ITPR2: variants seen among roughly 807,000 people sequenced by gnomAD.
The protein encoded by ITPR2 is inositol 1,4,5-trisphosphate-gated calcium channel ITPR2.
ITPR2 carries 207 observed loss-of-function variants against 317.1 expected under a neutral mutation model. The observed-to-expected ratio is 0.65, with a 90% CI of 0.58 to 0.73. ITPR2 has a LOEUF of 0.73. Among genes scored for constraint, ITPR2 ranks in the 30% least tolerant of loss-of-function variants. ITPR2 has a pLI of 0.00. For synonymous variants in ITPR2, 1,156 were observed against 1,149.1 expected (o/e 1.01, Z -0.12); for missense variants, 2,613 against 3,284.0 (o/e 0.80, Z 4.99).
At chr12:26,414,850 GT>G in intron 51 of ITPR2, among the ~76,000 whole-genome samples, 1 of 152,066 alleles carries the variant, frequency 6.6e-6, no homozygotes, top group Admixed American at 6.5e-5. Context: ...TTATGATCTG[GT>G]GGTTTCAAAT....
At chr12:26,472,659 T>G (rs973518139) in intron 45 of ITPR2, among the ~76,000 whole-genome samples, 2 of 152,176 alleles carry the variant, frequency 1.3e-5, no homozygotes, top group African/African-American at 4.8e-5. Flanking sequence ...CATATGTCTA[T>G]TCTCCTCTTC....
At chr12:26,417,310 G>A (rs1426927141) in intron 50 of ITPR2, among the ~76,000 whole-genome samples, 2 of 152,074 alleles carry the variant, frequency 1.3e-5, no homozygotes, top group African/African-American at 4.8e-5. Context: ...AATACAATTA[G>A]AAAATGGGGT....
At chr12:26,716,278 C>G (rs1419448021) in intron 5 of ITPR2, 36 bp from the exon 6 acceptor site, 3 of 1,337,700 alleles carry the variant, frequency 2.2e-6, no homozygotes, top group Middle Eastern at 1.8e-4. Flanking sequence ...TGAGACACTG[C>G]ATGGATCTTT....
chr12:26,811,538 G>C (rs370842010), intron 1 of ITPR2, among the ~76,000 whole-genome samples: 2 of 152,202 alleles, frequency 1.3e-5, no homozygotes, highest in African/African-American at 4.8e-5. Context: ...GAGGTCAGGA[G>C]ATCGAGACCA....
chr12:26,502,941 G>T (rs1223492335), intron 37 of ITPR2, among the ~76,000 whole-genome samples: 1 of 152,106 alleles, frequency 6.6e-6, no homozygotes, highest in Non-Finnish European at 1.5e-5. Flanking sequence ...TTTGGAAGGT[G>T]GTGTCACAGG....
intron 1 of ITPR2, among the ~76,000 whole-genome samples, chr12:26,819,200 C>T (rs921484065): frequency 2.0e-5 from 3 of 152,162 alleles, no homozygotes; most frequent in Non-Finnish European, 4.4e-5. Flanking sequence ...ATGCAAATAA[C>T]TCTCAAACAA....
At chr12:26,402,749 C>T (rs1460937909) in intron 52 of ITPR2, among the ~76,000 whole-genome samples, 1 of 152,162 alleles carries the variant, frequency 6.6e-6, no homozygotes, top group Non-Finnish European at 1.5e-5. Flanking sequence ...TGCAGCCACT[C>T]TCAATATGGT....
At chr12:26,699,345 T>A (rs887681579) in intron 9 of ITPR2, among the ~76,000 whole-genome samples, 3 of 152,222 alleles carry the variant, frequency 2.0e-5, no homozygotes, top group Non-Finnish European at 4.4e-5. Flanking sequence ...TGACTGGCTG[T>A]CTGGGGAAGT....
chr12:26,617,083 G>A (rs190076804), intron 26 of ITPR2, among the ~76,000 whole-genome samples: 1 of 152,110 alleles, frequency 6.6e-6, no homozygotes, highest in Non-Finnish European at 1.5e-5. Flanking sequence ...TTTTGAGGGA[G>A]TCAGAAGTTA....
chr12:26,812,385 T>A (rs1445496202), intron 1 of ITPR2, among the ~76,000 whole-genome samples: 3 of 152,044 alleles, frequency 2.0e-5, no homozygotes, highest in Non-Finnish European at 4.4e-5. Flanking sequence ...GAGACCATCC[T>A]GGCTAACACA....
chr12:26,519,157 GA>G (rs1943602263), intron 37 of ITPR2, among the ~76,000 whole-genome samples: 1 of 152,028 alleles, frequency 6.6e-6, no homozygotes, highest in African/African-American at 2.4e-5. Flanking sequence ...AAGAAAATAA[GA>G]AAAACTTCCA....
intron 1 of ITPR2, among the ~76,000 whole-genome samples, chr12:26,817,291 A>C (rs1320874540): frequency 6.6e-6 from 1 of 152,180 alleles, no homozygotes; most frequent in Non-Finnish European, 1.5e-5. Flanking sequence ...GCCTGCGATA[A>C]TGCTGGGTGT....
chr12:26,404,073 GAA>G (rs1940268142), intron 52 of ITPR2, among the ~76,000 whole-genome samples: 1 of 152,162 alleles, frequency 6.6e-6, no homozygotes, highest in Admixed American at 6.5e-5. Flanking sequence ...GAAGAGGAAA[GAA>G]TGACTGGAGG....
chr12:26,473,156 G>A (rs894628240), intron 45 of ITPR2, among the ~76,000 whole-genome samples: 1 of 152,124 alleles, frequency 6.6e-6, no homozygotes, highest in Non-Finnish European at 1.5e-5. Context: ...CAAAGTCTTG[G>A]GATTACAGGC....
chr12:26,556,770 C>CT (rs747548860), intron 35 of ITPR2, among the ~76,000 whole-genome samples: 164 of 86,594 alleles, frequency 1.9e-3, no homozygotes, highest in Non-Finnish European at 3.0e-3. Context: ...CAGGGAACAG[C>CT]TTAAAAAAAA....
intron 4 of ITPR2, among the ~76,000 whole-genome samples, chr12:26,723,972 A>G (rs1239760545): frequency 6.6e-6 from 1 of 152,182 alleles, no homozygotes; most frequent in Admixed American, 6.6e-5. Context: ...AAAATTTACC[A>G]GACTTTACAA....
intron 37 of ITPR2, among the ~76,000 whole-genome samples, chr12:26,508,871 A>T (rs1262081349): frequency 1.3e-5 from 2 of 152,216 alleles, no homozygotes; most frequent in Non-Finnish European, 2.9e-5. Context: ...GTTACCATAC[A>T]TTCCGGCAAT....
intron 55 of ITPR2, among the ~76,000 whole-genome samples, chr12:26,378,243 T>C (rs1939402843): frequency 6.6e-6 from 1 of 151,750 alleles, no homozygotes; most frequent in Non-Finnish European, 1.5e-5. Context: ...GGCTAGGAAG[T>C]AACGGGAATG....
intron 37 of ITPR2, among the ~76,000 whole-genome samples, chr12:26,539,063 A>G (rs1944185688): frequency 6.6e-6 from 1 of 152,206 alleles, no homozygotes; most frequent in Admixed American, 6.5e-5. Context: ...AACAACAATA[A>G]TAGTGTGGTT....
Sources: gnomAD v4.1 joint callset for allele counts (sites outside exome capture counted in the v4.1 genomes callset) on GRCh38, gnomAD v4.1.1 for gene constraint, MANE v1.5 for transcripts, NCBI Gene and HGNC (gene_info 2026-07-23, HGNC 2026-07-21) for gene names.